The following CSMD1 variants were observed in gnomAD, a reference collection of about 807,000 sequenced individuals.
The protein encoded by CSMD1 is CUB and Sushi multiple domains 1.
In CSMD1, 213 loss-of-function variants were observed where a neutral mutation model predicts 417.5. The ratio of observed to expected loss-of-function variants is 0.51; its 90% CI spans 0.46 to 0.57. The LOEUF (loss-of-function observed/expected upper bound fraction) is 0.57, where lower values mean the gene tolerates loss of function less well. CSMD1 is among the 20% of genes least tolerant of loss of function. The probability of loss-of-function intolerance (pLI) is 0.00; values close to 1 mark genes in which losing one functional copy is unlikely to be tolerated. For missense variants in CSMD1, 6,923 were observed against 4,529.7 expected, an observed-to-expected ratio of 1.53 and a Z score of -15.17; for synonymous variants, 2,862 against 1,736.8, an observed-to-expected ratio of 1.65 and a Z score of -16.11.
At chr8:4,657,670 A>G (rs571493012) in intron 1 of CSMD1, among the ~76,000 whole-genome samples, 1 of 152,092 alleles carries the variant, frequency 6.6e-6, no homozygotes, top group African/African-American at 2.4e-5. Flanking sequence ...AGTTCTCAAA[A>G]AATCATAAAA....
chr8:3,986,776 G>A (rs544312880), intron 5 of CSMD1, among the ~76,000 whole-genome samples: 1 of 149,846 alleles, frequency 6.7e-6, no homozygotes, highest in South Asian at 2.1e-4. Flanking sequence ...TTTTTTTTTA[G>A]ATGGAGTCTC....
chr8:4,874,468 C>A (rs1447914429), intron 1 of CSMD1, among the ~76,000 whole-genome samples: 1 of 147,348 alleles, frequency 6.8e-6, no homozygotes, highest in East Asian at 2.0e-4. Flanking sequence ...CGACTCACTG[C>A]AATCTCTGCC....
intron 1 of CSMD1, among the ~76,000 whole-genome samples, chr8:4,937,527 G>C (rs1053300315): frequency 2.6e-5 from 4 of 152,124 alleles, no homozygotes; most frequent in Admixed American, 6.6e-5. Context: ...AAAAAACAAT[G>C]GCTAGTAACT....
intron 3 of CSMD1, among the ~76,000 whole-genome samples, chr8:4,120,548 T>C (rs1224502808): frequency 1.3e-5 from 2 of 152,170 alleles, no homozygotes; most frequent in Non-Finnish European, 2.9e-5. Flanking sequence ...CGATAAGGGA[T>C]ACCAAAACTG....
At chr8:3,731,465 A>G (rs1796254024) in intron 6 of CSMD1, among the ~76,000 whole-genome samples, 1 of 152,290 alleles carries the variant, frequency 6.6e-6, no homozygotes, top group Admixed American at 6.5e-5. Flanking sequence ...AACCCCTTCA[A>G]TTCAATCCGA....
chr8:4,196,885 C>G (rs185068881), intron 3 of CSMD1, among the ~76,000 whole-genome samples: 167 of 152,288 alleles, frequency 1.1e-3, no homozygotes, highest in African/African-American at 3.8e-3. Flanking sequence ...AAAGTTCCGC[C>G]ATCTTCATTA....
intron 12 of CSMD1, among the ~76,000 whole-genome samples, chr8:3,449,520 A>AT (rs59420305): frequency 0.1 from 14,645 of 145,728 alleles, 788 homozygotes; most frequent in East Asian, 0.22. Flanking sequence ...CATGACAGCA[A>AT]TTTTTTTTTT....
At chr8:3,583,705 G>C (rs1800478595) in intron 9 of CSMD1, among the ~76,000 whole-genome samples, 1 of 152,106 alleles carries the variant, frequency 6.6e-6, no homozygotes, top group Non-Finnish European at 1.5e-5. Flanking sequence ...GATGGCAAAA[G>C]AGGCTGCCAT....
intron 23 of CSMD1, among the ~76,000 whole-genome samples, chr8:3,315,272 G>A (rs1246158835): frequency 1.3e-5 from 2 of 152,130 alleles, no homozygotes; most frequent in East Asian, 3.9e-4. Flanking sequence ...TAGGAAGGGA[G>A]TTTCAAAGGT....
intron 2 of CSMD1, among the ~76,000 whole-genome samples, chr8:4,628,532 C>G (rs566880785): frequency 3.3e-5 from 5 of 151,020 alleles, no homozygotes; most frequent in Non-Finnish European, 1.5e-5. Context: ...GAGAAAGAGA[C>G]ATAGGATAAG....
intron 1 of CSMD1, among the ~76,000 whole-genome samples, chr8:4,870,240 A>T (rs1259055132): frequency 6.6e-6 from 1 of 152,158 alleles, no homozygotes; most frequent in African/African-American, 2.4e-5. Flanking sequence ...CTCAAAAGTA[A>T]AAACTGGAAA....
intron 3 of CSMD1, among the ~76,000 whole-genome samples, chr8:4,067,331 AG>A (rs1799304691): frequency 6.6e-6 from 1 of 152,230 alleles, no homozygotes; most frequent in Non-Finnish European, 1.5e-5. Context: ...AACGTTTTCA[AG>A]TAAGGTATAA....
At chr8:3,451,708 G>T (rs1013206981) in intron 12 of CSMD1, among the ~76,000 whole-genome samples, 1 of 152,116 alleles carries the variant, frequency 6.6e-6, no homozygotes, top group African/African-American at 2.4e-5. Flanking sequence ...ATGCTGTTTT[G>T]GTTACGGTAG....
intron 66 of CSMD1, 135 bp from the exon 67 acceptor site, chr8:2,950,478 T>C: frequency 1.6e-6 from 1 of 621,716 alleles, no homozygotes; most frequent in Non-Finnish European, 2.9e-6. Flanking sequence ...AATTGTATTT[T>C]TATTTGTGAA....
At chr8:4,964,910 T>C (rs1394807546) in intron 1 of CSMD1, among the ~76,000 whole-genome samples, 2 of 152,176 alleles carry the variant, frequency 1.3e-5, no homozygotes, top group African/African-American at 4.8e-5. Context: ...GAGCAGGATT[T>C]TCAGCACATC....
At chr8:4,242,397 A>T (rs1436164807) in intron 3 of CSMD1, among the ~76,000 whole-genome samples, 1 of 152,126 alleles carries the variant, frequency 6.6e-6, no homozygotes, top group African/African-American at 2.4e-5. Context: ...CACTTCCCCC[A>T]CCCAGCAAAT....
intron 46 of CSMD1, among the ~76,000 whole-genome samples, chr8:3,100,333 C>T (rs1465639380): frequency 6.6e-6 from 1 of 152,204 alleles, no homozygotes; most frequent in African/African-American, 2.4e-5. Flanking sequence ...GCCTAAGAAG[C>T]ATTTGGAGGT....
intron 3 of CSMD1, among the ~76,000 whole-genome samples, chr8:4,145,008 T>C (rs956683444): frequency 6.6e-6 from 1 of 151,054 alleles, no homozygotes; most frequent in Admixed American, 6.6e-5. Flanking sequence ...CTACTTTATA[T>C]AAATAATAAT....
intron 3 of CSMD1, among the ~76,000 whole-genome samples, chr8:4,137,228 T>A (rs571991554): frequency 1.3e-5 from 2 of 152,232 alleles, no homozygotes; most frequent in African/African-American, 4.8e-5. Context: ...TAATTAATTC[T>A]CCATGATGCC....
Sources: gnomAD v4.1 joint callset for allele counts (sites outside exome capture counted in the v4.1 genomes callset) on GRCh38, gnomAD v4.1.1 for gene constraint, MANE v1.5 for transcripts, NCBI Gene and HGNC (gene_info 2026-07-23, HGNC 2026-07-21) for gene names.